The following CFAP44 variants were observed in gnomAD, a reference collection of about 807,000 sequenced individuals.
The protein encoded by CFAP44 is cilia and flagella associated protein 44.
A neutral mutation model predicts 216.2 loss-of-function variants in CFAP44; 134 were observed. The ratio of observed to expected loss-of-function variants is 0.62; its 90% confidence interval spans 0.54 to 0.72. The LOEUF (loss-of-function observed/expected upper bound fraction) is 0.72. Among genes scored for constraint, CFAP44 ranks in the 30% least tolerant of loss-of-function variants. The pLI, the probability that CFAP44 is intolerant of heterozygous loss-of-function variation, is 0.00. For missense variants in CFAP44, 2,035 were observed against 2,182.1 expected, an observed-to-expected ratio of 0.93 and a Z score of 1.34; for synonymous variants, 700 against 727.6, an observed-to-expected ratio of 0.96 and a Z score of 0.61.
intron 4 of CFAP44, among the ~76,000 whole-genome samples, chr3:113,422,549 A>G (rs1934845646): frequency 1.3e-5 from 2 of 152,210 alleles, no homozygotes; most frequent in African/African-American, 4.8e-5. Context: ...AAACACATAA[A>G]TGCCTAAAAT....
At chr3:113,327,957 C>A in intron 26 of CFAP44, 138 bp from the exon 27 acceptor site, 3 of 721,330 alleles carry the variant, frequency 4.2e-6, no homozygotes, top group Non-Finnish European at 6.6e-6. Flanking sequence ...TGTGTATAGT[C>A]ACAAAAATAA....
intron 15 of CFAP44, among the ~76,000 whole-genome samples, chr3:113,387,943 G>A (rs1933692944): frequency 6.6e-6 from 1 of 152,020 alleles, no homozygotes; most frequent in Non-Finnish European, 1.5e-5. Flanking sequence ...GGCAGCCTTG[G>A]GAAGAGACTT....
In CFAP44 at chr3:113,287,776, T is replaced by C. The variant is rs1006453836; in HGVS notation, c.*3781A>G. ...AGAAATAGAACTAATCTTTTTTATA[T>C]AGGTGTGTGTTGAAGACCAAATATT... On this transcript the variant is annotated 3_prime_UTR_variant, in exon 35 of 35. Transcript: ENST00000393845. 1 of 152,204 alleles carries C rather than the reference T, an allele frequency of 6.6e-6. No homozygotes were observed. Among genetic ancestry groups the C allele is most frequent in the East Asian group, 1.9e-4 (1 of 5,206 alleles). The allele number at this position is 152,204 out of a possible 1,614,324, so 9.4% of individuals were successfully genotyped here. A position where few individuals can be genotyped will look rare whatever the true frequency, so the allele number is the denominator to read the frequency against.
At chr3:113,412,577 T>A (rs978042396) in intron 6 of CFAP44, among the ~76,000 whole-genome samples, 1 of 152,130 alleles carries the variant, frequency 6.6e-6, no homozygotes, top group African/African-American at 2.4e-5. Context: ...TCTGTGTCCA[T>A]GTGTTCTCAA....
chr3:113,419,875 G>T, intron 5 of CFAP44, 142 bp downstream of exon 5: 1 of 728,924 alleles, frequency 1.4e-6, no homozygotes, highest in Non-Finnish European at 2.1e-6. Flanking sequence ...AAAATGCCTT[G>T]GAATAAAGAC....
chr3:113,314,954 T>C (rs1461765200), intron 28 of CFAP44, among the ~76,000 whole-genome samples: 1 of 151,916 alleles, frequency 6.6e-6, no homozygotes, highest in Non-Finnish European at 1.5e-5. Context: ...TCAAAAACAC[T>C]ACAAAAAATT....
intron 9 of CFAP44, among the ~76,000 whole-genome samples, chr3:113,402,480 C>A (rs1385906038): frequency 1.3e-5 from 2 of 152,138 alleles, no homozygotes; most frequent in African/African-American, 2.4e-5. Context: ...TGTGAGGGGC[C>A]AAAGCTCATT....
At chr3:113,295,655 G>A (rs1436753355) in intron 33 of CFAP44, among the ~76,000 whole-genome samples, 3 of 152,176 alleles carry the variant, frequency 2.0e-5, no homozygotes, top group South Asian at 2.1e-4. Flanking sequence ...TAAAATCTTT[G>A]TGAAAGCTCC....
chr3:113,385,745 T>C (rs897556487), intron 15 of CFAP44, among the ~76,000 whole-genome samples: 2 of 152,050 alleles, frequency 1.3e-5, no homozygotes, highest in African/African-American at 4.8e-5. Context: ...GTTCAAGCGA[T>C]TCTCCCACCT....
Position 113,287,064 on chromosome 3 carries a change from A to G in CFAP44, c.*4493T>C, listed in dbSNP as rs1303904884. 3 of 659,818 alleles carry G rather than the reference A, an allele frequency of 4.5e-6. No individual in the cohort carries two copies. Among genetic ancestry groups the G allele is most frequent in the Non-Finnish European group, 5.3e-6 (2 of 379,828 alleles). The allele number at this position is 659,818 out of a possible 1,614,324, so 40.9% of individuals were successfully genotyped here. A position where few individuals can be genotyped will look rare whatever the true frequency, so the allele number is the denominator to read the frequency against. On this transcript the variant is annotated 3_prime_UTR_variant, in exon 35 of 35. Coordinates refer to ENST00000393845, the MANE Select transcript of CFAP44 (RefSeq NM_001164496.2). Reference sequence around the variant, plus strand: ...CCCGTTGAGGTTGGAGAGGGAAAATAAAGAAGCTGCCACCTAACAGGAGTC... The same window carrying G: ...CCCGTTGAGGTTGGAGAGGGAAAATGAAGAAGCTGCCACCTAACAGGAGTC...
rs749677890 is a variant in CFAP44, at chr3:113,342,332, C to CAAACA, written c.3263-419_3263-415dup. 1.7e-3 allele frequency among the ~76,000 whole-genome samples: 258 copies of CAAACA among 152,106 alleles called. 1 individual carries two copies. The Middle Eastern group carries it at 0.02, about 12-fold the overall frequency. ...TGGGGAACAGAGTGAGACTCTGTCT[C>CAAACA]AAACAAAACAAAACAAAACAAAAAC... On this transcript the variant is annotated intron_variant, in intron 23 of 34. Transcript: ENST00000393845.
intron 2 of CFAP44, chr3:113,427,658 T>C (rs1360337859): frequency 4.7e-6 from 1 of 213,148 alleles, no homozygotes; most frequent in African/African-American, 2.3e-5. Flanking sequence ...TTACTAACTT[T>C]TATAGGGAAC....
At chr3:113,417,896 G>A (rs1352336728) in intron 5 of CFAP44, among the ~76,000 whole-genome samples, 2 of 152,186 alleles carry the variant, frequency 1.3e-5, no homozygotes, top group South Asian at 2.1e-4. Context: ...AAGAAATATG[G>A]TGTAGAACAT....
chr3:113,309,266 T>C (rs1950015173), intron 28 of CFAP44, among the ~76,000 whole-genome samples: 1 of 152,212 alleles, frequency 6.6e-6, no homozygotes, highest in Non-Finnish European at 1.5e-5. Context: ...TATTATCTTA[T>C]TACCTGGCTT....
intron 24 of CFAP44, among the ~76,000 whole-genome samples, chr3:113,334,921 C>A (rs1398843367): frequency 1.3e-5 from 2 of 152,114 alleles, no homozygotes; most frequent in African/African-American, 4.8e-5. Flanking sequence ...CCAACATGAG[C>A]GTGTACACAT....
At chr3:113,434,437 C>G (rs1935187275) in intron 1 of CFAP44, 2 of 152,094 alleles carry the variant, frequency 1.3e-5, no homozygotes, top group Admixed American at 1.3e-4. Context: ...AGGTGGGTAC[C>G]ATATCATAAA....
intron 32 of CFAP44, among the ~76,000 whole-genome samples, chr3:113,301,127 A>G (rs1337866285): frequency 6.6e-6 from 1 of 152,184 alleles, no homozygotes. Context: ...AGAATGAATC[A>G]TTTTAGTAGA....
chr3:113,396,579 G>C lies in CFAP44; in HGVS notation c.1718C>G (p.Pro573Arg). 1 of 1,614,062 alleles carries C rather than the reference G, an allele frequency of 6.2e-7. No homozygotes were observed. ...ADIQLKQVFK[P>R]HTACVTALAY... ...TAAAGCAGTGACACAAGCAGTATGG[G>C]GTTTGAAAACCTGTTTCAACTGAAT... The change falls in exon 14 of 35, where the codon CCC becomes CGC. Residue 573 changes from proline (P) to arginine (R), a missense_variant. Physicochemically the swap from Pro to Arg is moderately radical, Grantham distance 103. Transcript: ENST00000393845.
At chr3:113,342,920 G>A (rs895988455) in intron 23 of CFAP44, among the ~76,000 whole-genome samples, 2 of 151,720 alleles carry the variant, frequency 1.3e-5, no homozygotes, top group African/African-American at 4.8e-5. Context: ...AGAGGTGGAG[G>A]TTGCAGTGAG....
Sources: gnomAD v4.1 joint callset for allele counts (sites outside exome capture counted in the v4.1 genomes callset) on GRCh38, gnomAD v4.1.1 for gene constraint, MANE v1.5 for transcripts, NCBI Gene and HGNC (gene_info 2026-07-23, HGNC 2026-07-21) for gene names.